Variants in PDE4D observed in about 807,000 individuals in gnomAD.
PDE4D encodes the protein phosphodiesterase 4D, also known as 3',5'-cyclic-AMP phosphodiesterase 4D.
In PDE4D, 24 loss-of-function variants were observed where a neutral mutation model predicts 87.4. That is an observed-to-expected ratio of 0.27 (90% confidence interval 0.20 to 0.39). PDE4D has a LOEUF of 0.39. Among genes scored for constraint, PDE4D ranks in the 10% least tolerant of loss-of-function variants. The probability of loss-of-function intolerance (pLI) is 1.00; values close to 1 mark genes in which losing one functional copy is unlikely to be tolerated. For synonymous variants in PDE4D, 384 were observed against 383.2 expected (o/e 1.00, Z -0.02); for missense variants, 714 against 1,041.0 (o/e 0.69, Z 4.32).
rs539061344 is a variant in PDE4D at position 60,187,837 on chromosome 5, A to G, written c.-89-2150T>C. Among the ~76,000 whole-genome samples, 32 of 152,274 alleles carry G rather than the reference A, an allele frequency of 2.1e-4. No individual in the cohort carries two copies. The South Asian group carries it at 6.4e-3, about 31-fold the overall frequency. On this transcript the variant is annotated intron_variant, in intron 1 of 16. Transcript: ENST00000502484. ...GTATAGGTTGGAATTTCAGCTCTCC[A>G]CTGGCATTCTATGTAGCTTTTAGGT...
intron 1 of PDE4D, among the ~76,000 whole-genome samples, chr5:59,519,674 C>T (rs781731355): frequency 1.3e-5 from 2 of 152,204 alleles, no homozygotes; most frequent in South Asian, 2.1e-4. Flanking sequence ...CTCTAGATGG[C>T]ATGCCATTGG....
intron 5 of PDE4D, among the ~76,000 whole-genome samples, chr5:59,154,979 A>G (rs1034576705): frequency 6.6e-6 from 1 of 152,228 alleles, no homozygotes; most frequent in Non-Finnish European, 1.5e-5. Context: ...ACTAACTGAG[A>G]TAGGAAGAAC....
intron 1 of PDE4D, among the ~76,000 whole-genome samples, chr5:60,197,753 A>G (rs1741436138): frequency 6.6e-6 from 1 of 151,720 alleles, no homozygotes. Context: ...GAAGAAACTC[A>G]ATGTTAATTA....
intron 1 of PDE4D, among the ~76,000 whole-genome samples, chr5:59,422,706 T>C (rs1326263723): frequency 6.6e-6 from 1 of 152,234 alleles, no homozygotes; most frequent in African/African-American, 2.4e-5. Flanking sequence ...TGTCTTGTAC[T>C]TTGCTGACAG....
rs184797841 is a variant in PDE4D at position 59,498,367 on chromosome 5, G to T, written c.456-282399C>A. 6.2e-4 allele frequency among the ~76,000 whole-genome samples: 94 copies of T among 150,720 alleles called. 1 individual carries two copies. Among genetic ancestry groups the T allele is most frequent in the African/African-American group, 2.2e-3 (92 of 41,172 alleles). On this transcript the variant is annotated intron_variant, in intron 1 of 14. Coordinates refer to ENST00000340635, the MANE Select transcript of PDE4D (RefSeq NM_001104631.2). The stretch of plus-strand genomic sequence containing the variant: ...AGTCAAAATTAATATTGATATGTGA[G>T]GTTTTATTCTTGCCATAGTGTTTTA...
At chr5:59,153,762 TTG>T (rs1491079533) in intron 5 of PDE4D, among the ~76,000 whole-genome samples, 5 of 137,936 alleles carry the variant, frequency 3.6e-5, no homozygotes, top group Non-Finnish European at 4.8e-5. Context: ...GTTTTTTTTT[TTG>T]TTGTTGTTGT....
chr5:59,643,203 C>T (rs1741894874), intron 1 of PDE4D, among the ~76,000 whole-genome samples: 1 of 152,086 alleles, frequency 6.6e-6, no homozygotes, highest in African/African-American at 2.4e-5. Flanking sequence ...TTCCAGGTCC[C>T]AGCATAAGGA....
intron 2 of PDE4D, among the ~76,000 whole-genome samples, chr5:60,021,025 T>C (rs1226860409): frequency 1.3e-5 from 2 of 152,238 alleles, no homozygotes; most frequent in African/African-American, 2.4e-5. Context: ...TGCATTTATA[T>C]GACAATTTGG....
chr5:59,414,251 C>G (rs1451665553), intron 1 of PDE4D, among the ~76,000 whole-genome samples: 1 of 152,180 alleles, frequency 6.6e-6, no homozygotes, highest in Non-Finnish European at 1.5e-5. Flanking sequence ...ATGTGAACCT[C>G]AGAGAGGGTA....
chr5:59,529,163 T>C (rs770399214), intron 1 of PDE4D: 26 of 482,742 alleles, frequency 5.4e-5, no homozygotes, highest in Admixed American at 9.2e-5. Flanking sequence ...CCCCTCTTCT[T>C]CTGGTATTAT....
intron 1 of PDE4D, among the ~76,000 whole-genome samples, chr5:59,421,467 G>A (rs1794471092): frequency 6.6e-6 from 1 of 152,056 alleles, no homozygotes; most frequent in Admixed American, 6.6e-5. Context: ...AAGACAGAGT[G>A]GAAGGGACTC....
intron 1 of PDE4D, among the ~76,000 whole-genome samples, chr5:59,585,511 A>G (rs1053033669): frequency 2.6e-5 from 4 of 152,246 alleles, no homozygotes; most frequent in African/African-American, 9.6e-5. Flanking sequence ...TTTATTATGC[A>G]TTCACAAAGT....
chr5:60,434,592 G>A (rs545239427), intron 1 of PDE4D, among the ~76,000 whole-genome samples: 3 of 152,136 alleles, frequency 2.0e-5, no homozygotes, highest in South Asian at 2.1e-4. Context: ...TCAATTAGTC[G>A]GACACAACTT....
intron 2 of PDE4D, among the ~76,000 whole-genome samples, chr5:60,146,182 C>CA (rs1321023100): frequency 1.3e-5 from 2 of 152,164 alleles, no homozygotes; most frequent in Non-Finnish European, 2.9e-5. Flanking sequence ...CCACTGCACT[C>CA]CAGCCTGGGC....
At chr5:59,314,274 TACAG>T (rs1561939046) in intron 1 of PDE4D, 1 of 152,062 alleles carries the variant, frequency 6.6e-6, no homozygotes, top group African/African-American at 2.4e-5. Flanking sequence ...ACACCCAACA[TACAG>T]GGGATGTGCC....
chr5:59,177,645 C>T (rs1455754586), intron 5 of PDE4D, among the ~76,000 whole-genome samples: 15 of 152,158 alleles, frequency 9.9e-5, no homozygotes, highest in Admixed American at 3.9e-4. Flanking sequence ...AGAGCAACCA[C>T]GTGGTATAAT....
At chr5:59,261,417 A>G (rs1176329502) in intron 1 of PDE4D, among the ~76,000 whole-genome samples, 2 of 151,880 alleles carry the variant, frequency 1.3e-5, no homozygotes, top group East Asian at 1.9e-4. Context: ...GAGCTGACAA[A>G]CAAGCTAGTA....
intron 1 of PDE4D, among the ~76,000 whole-genome samples, chr5:59,296,501 AAG>A (rs1428473193): frequency 1.3e-5 from 2 of 152,178 alleles, no homozygotes; most frequent in African/African-American, 4.8e-5. Context: ...TTTGTTACAT[AAG>A]CCAGAGAAGG....
chr5:58,974,653 T>C lies in PDE4D; in HGVS notation c.*11A>G. ...CTTAAAAAAAAAAAAGGCATGAAAG[T>C]TTTTGCACTGTTACGTGTCAGGAGA... On this transcript the variant is annotated 3_prime_UTR_variant, in exon 15 of 15. Transcript: ENST00000340635. 6.6e-7 allele frequency: 1 copy of C among 1,522,100 alleles called. No homozygotes were observed. Among genetic ancestry groups the C allele is most frequent in the South Asian group, 1.3e-5 (1 of 77,078 alleles). The allele number at this position is 1,522,100 out of a possible 1,614,324, so 94.3% of individuals were successfully genotyped here. A position where few individuals can be genotyped will look rare whatever the true frequency, so the allele number is the denominator to read the frequency against.
Sources: allele counts gnomAD v4.1 joint callset (sites outside exome capture counted in the v4.1 genomes callset), GRCh38; gene constraint gnomAD v4.1.1; transcripts MANE v1.5; gene names NCBI Gene and HGNC (gene_info 2026-07-23, HGNC 2026-07-21).